Variants in CNTN4 observed in about 807,000 individuals in gnomAD.
CNTN4 encodes contactin-4.
CNTN4 carries 77 observed loss-of-function variants against 122.5 expected under a neutral mutation model. The ratio of observed to expected loss-of-function variants is 0.63; its 90% CI spans 0.52 to 0.76. The LOEUF (loss-of-function observed/expected upper bound fraction) is 0.76. CNTN4 is among the 30% of genes least tolerant of loss of function. The pLI is 0.00. For missense variants in CNTN4, 1,256 were observed against 1,259.1 expected, an observed-to-expected ratio of 1.00 and a Z score of 0.04; for synonymous variants, 512 against 447.0, an observed-to-expected ratio of 1.15 and a Z score of -1.83.
intron 4 of CNTN4, among the ~76,000 whole-genome samples, chr3:2,619,416 A>G (rs1484156065): frequency 6.6e-6 from 1 of 152,224 alleles, no homozygotes; most frequent in Non-Finnish European, 1.5e-5. Flanking sequence ...TTTCAAATGA[A>G]TATCTTGAAG....
intron 2 of CNTN4, among the ~76,000 whole-genome samples, chr3:2,105,861 C>G (rs908093813): frequency 6.6e-6 from 1 of 152,188 alleles, no homozygotes; most frequent in Non-Finnish European, 1.5e-5. Context: ...AGGCAAGTCC[C>G]TTCTACCTAT....
intron 12 of CNTN4, among the ~76,000 whole-genome samples, chr3:2,916,343 C>G (rs1432098386): frequency 2.7e-5 from 4 of 150,046 alleles, no homozygotes; most frequent in Non-Finnish European, 5.9e-5. Context: ...GGCAGAGGGC[C>G]CTGCGGCCTT....
chr3:2,257,887 A>T (rs574388791), intron 2 of CNTN4, among the ~76,000 whole-genome samples: 44 of 152,212 alleles, frequency 2.9e-4, no homozygotes, highest in African/African-American at 9.9e-4. Context: ...ACATGGTCAA[A>T]CCCTGTCTCT....
Position 2,586,050 on chromosome 3 carries a change from A to T in CNTN4, c.55+14492A>T, listed in dbSNP as rs551955599. On this transcript the variant is annotated intron_variant, in intron 4 of 24. Coordinates refer to ENST00000418658, the MANE Select transcript of CNTN4 (RefSeq NM_175607.3). ...ATGCTTCAAATACATTATATAATTT[A>T]TACTGGGCTCAGAGTAGCCCTAATA... is the stretch of plus-strand genomic sequence containing the variant. 5.2e-4 allele frequency among the ~76,000 whole-genome samples: 79 copies of T among 152,298 alleles called. 1 individual carries two copies. Among genetic ancestry groups the T allele is most frequent in the Admixed American group, 5.2e-3 (79 of 15,294 alleles).
In CNTN4 at chr3:2,144,288, CCT is replaced by C. The variant is rs769545183; in HGVS notation, c.-145+43650_-145+43651del. 4 of 152,150 alleles carry C rather than the reference CCT, an allele frequency of 2.6e-5. No homozygotes were observed. In the East Asian group the frequency reaches 7.7e-4, roughly 29 times the overall value. The allele number at this position is 152,150 out of a possible 1,614,324, so 9.4% of individuals were successfully genotyped here. A position where few individuals can be genotyped will look rare whatever the true frequency, so the allele number is the denominator to read the frequency against. ...GGATTCTGAAGGTTCTAGCTTCCAG[CCT>C]TGAAATTATTCTCCTACTTGTAGGT... On this transcript the variant is annotated intron_variant, in intron 2 of 24. Coordinates refer to ENST00000418658, the MANE Select transcript of CNTN4 (RefSeq NM_175607.3).
At chr3:2,894,038 G>A (rs1485112206) in intron 10 of CNTN4, among the ~76,000 whole-genome samples, 1 of 152,076 alleles carries the variant, frequency 6.6e-6, no homozygotes, top group African/African-American at 2.4e-5. Context: ...GTATATGTTA[G>A]AAATAATTAA....
chr3:2,154,379 CAA>C (rs34618946), intron 2 of CNTN4, among the ~76,000 whole-genome samples: 3 of 127,844 alleles, frequency 2.3e-5, no homozygotes, highest in African/African-American at 2.9e-5. Context: ...GACACTGTCT[CAA>C]AAAAAAAAAA....
At chr3:2,297,756 G>C (rs1446019565) in intron 2 of CNTN4, among the ~76,000 whole-genome samples, 1 of 152,094 alleles carries the variant, frequency 6.6e-6, no homozygotes, top group Non-Finnish European at 1.5e-5. Flanking sequence ...CTGAGACAGA[G>C]TCTCACTCTG....
At chr3:2,710,028 C>T (rs1330384570) in intron 4 of CNTN4, among the ~76,000 whole-genome samples, 4 of 152,136 alleles carry the variant, frequency 2.6e-5, no homozygotes, top group African/African-American at 4.8e-5. Flanking sequence ...ATTAGTTTTC[C>T]TCTTGAAAAG....
chr3:2,548,711 A>G (rs552467250), intron 3 of CNTN4, among the ~76,000 whole-genome samples: 1 of 152,272 alleles, frequency 6.6e-6, no homozygotes, highest in South Asian at 2.1e-4. Flanking sequence ...AATTTTGTGA[A>G]GAAAGTCAAT....
chr3:2,416,810 C>T (rs989622443), intron 3 of CNTN4, among the ~76,000 whole-genome samples: 7 of 152,084 alleles, frequency 4.6e-5, no homozygotes, highest in Admixed American at 4.6e-4. Context: ...CCTGCAACCT[C>T]GCCCGGCTAA....
intron 3 of CNTN4, among the ~76,000 whole-genome samples, chr3:2,455,951 A>C (rs566083398): frequency 6.6e-6 from 1 of 152,190 alleles, no homozygotes; most frequent in South Asian, 2.1e-4. Flanking sequence ...TTAAATTCAA[A>C]TTGAATTTGT....
intron 2 of CNTN4, among the ~76,000 whole-genome samples, chr3:2,323,919 G>A (rs138966932): frequency 1.9e-3 from 295 of 152,292 alleles, no homozygotes; most frequent in African/African-American, 6.7e-3. Flanking sequence ...GAGTGCTGGT[G>A]GAGACAGGAC....
intron 6 of CNTN4, among the ~76,000 whole-genome samples, chr3:2,811,692 T>C (rs1240844965): frequency 6.6e-6 from 1 of 151,760 alleles, no homozygotes; most frequent in Non-Finnish European, 1.5e-5. Context: ...TTAGACGGAG[T>C]CTTGCTCTGT....
At position 2,317,138 on chromosome 3, in the gene CNTN4, C is replaced by T. The variant is rs1197070022; in HGVS notation, c.-144-22040C>T. 9.2e-5 allele frequency among the ~76,000 whole-genome samples: 14 copies of T among 152,234 alleles called. No homozygotes were observed. The East Asian group carries it at 2.7e-3, about 29-fold the overall frequency. On this transcript the variant is annotated intron_variant, in intron 2 of 24. Transcript: ENST00000418658. ...TAGCATAATTGTATGGACTACATGG[C>T]AAATATTTCTGAAGCACACTGTAAA...
At chr3:2,225,548 ACAAAAACC>A (rs2039249322) in intron 2 of CNTN4, among the ~76,000 whole-genome samples, 1 of 151,294 alleles carries the variant, frequency 6.6e-6, no homozygotes, top group Non-Finnish European at 1.5e-5. Context: ...AAACAAACAA[ACAAAAACC>A]CAGGTCCTTT....
intron 3 of CNTN4, among the ~76,000 whole-genome samples, chr3:2,354,650 A>G (rs1290734824): frequency 6.6e-6 from 1 of 152,158 alleles, no homozygotes; most frequent in Non-Finnish European, 1.5e-5. Context: ...ACTAATAGGG[A>G]CTTTGTGTAT....
chr3:2,514,155 G>C (rs182232165), intron 3 of CNTN4, among the ~76,000 whole-genome samples: 2 of 152,054 alleles, frequency 1.3e-5, no homozygotes, highest in Admixed American at 6.6e-5. Context: ...TTGGACCCTC[G>C]GCAGACTGTT....
chr3:2,365,291 T>C (rs2045332104), intron 3 of CNTN4, among the ~76,000 whole-genome samples: 1 of 152,142 alleles, frequency 6.6e-6, no homozygotes, highest in Non-Finnish European at 1.5e-5. Context: ...ACACAGCTCC[T>C]CTTGGTCCCT....
Sources: allele counts gnomAD v4.1 joint callset (sites outside exome capture counted in the v4.1 genomes callset), GRCh38; gene constraint gnomAD v4.1.1; transcripts MANE v1.5; gene names NCBI Gene and HGNC (gene_info 2026-07-23, HGNC 2026-07-21).